The following TDRD3 variants were observed in gnomAD, a reference collection of about 807,000 sequenced individuals.
TDRD3 encodes the protein tudor domain-containing protein 3.
In TDRD3, 45 loss-of-function variants were observed where a neutral mutation model predicts 86.7. That is an observed-to-expected ratio of 0.52 (90% CI 0.41 to 0.67). The LOEUF is 0.67. TDRD3 is among the 30% of genes least tolerant of loss of function. The probability of loss-of-function intolerance (pLI) is 0.00; values close to 1 mark genes in which losing one functional copy is unlikely to be tolerated. For synonymous variants in TDRD3, 298 were observed against 301.7 expected (o/e 0.99, Z 0.13); for missense variants, 814 against 889.0 (o/e 0.92, Z 1.07).
At chr13:60,496,250 T>C (rs1956709444) in intron 8 of TDRD3, among the ~76,000 whole-genome samples, 1 of 140,374 alleles carries the variant, frequency 7.1e-6, no homozygotes, top group Non-Finnish European at 1.5e-5. Flanking sequence ...GCAGATGGTC[T>C]ATTGTGGGAC....
intron 1 of TDRD3, among the ~76,000 whole-genome samples, chr13:60,422,670 T>C (rs1954691106): frequency 6.6e-6 from 1 of 151,774 alleles, no homozygotes; most frequent in Non-Finnish European, 1.5e-5. Context: ...AAAGAATATA[T>C]TACAAGATAC....
At chr13:60,434,323 G>A (rs1955034965) in intron 1 of TDRD3, among the ~76,000 whole-genome samples, 1 of 151,746 alleles carries the variant, frequency 6.6e-6, no homozygotes, top group South Asian at 2.1e-4. Context: ...AAATAATTAA[G>A]TGGGCATGGT....
chr13:60,522,329 A>G (rs1424375672), intron 10 of TDRD3, among the ~76,000 whole-genome samples: 1 of 152,196 alleles, frequency 6.6e-6, no homozygotes, highest in Admixed American at 6.5e-5. Context: ...GATCCGAACT[A>G]AAAATAGGAG....
At chr13:60,459,398 G>GC (rs1955754041) in intron 3 of TDRD3, among the ~76,000 whole-genome samples, 1 of 152,104 alleles carries the variant, frequency 6.6e-6, no homozygotes, top group Non-Finnish European at 1.5e-5. Context: ...TTTGCTCTAA[G>GC]TATATTTGTT....
chr13:60,428,717 T>C (rs1954875268), intron 1 of TDRD3, among the ~76,000 whole-genome samples: 1 of 152,210 alleles, frequency 6.6e-6, no homozygotes, highest in African/African-American at 2.4e-5. Context: ...GACAAAGCCT[T>C]GTGGGCCCAC....
chr13:60,499,051 G>T (rs986830090), intron 8 of TDRD3, among the ~76,000 whole-genome samples: 9 of 152,302 alleles, frequency 5.9e-5, no homozygotes, highest in African/African-American at 2.2e-4. Context: ...GACTGGTAGG[G>T]TGAGGGTGAT....
At chr13:60,439,962 A>T (rs1363093570) in intron 2 of TDRD3, among the ~76,000 whole-genome samples, 190 bp downstream of exon 2, 1 of 152,170 alleles carries the variant, frequency 6.6e-6, no homozygotes, top group Non-Finnish European at 1.5e-5. Context: ...AATATCTGTT[A>T]TACAGAATCC....
intron 9 of TDRD3, 130 bp downstream of exon 9, chr13:60,510,049 C>T: frequency 2.8e-6 from 3 of 1,058,332 alleles, no homozygotes; most frequent in Non-Finnish European, 4.0e-6. Flanking sequence ...GAAGGAACAC[C>T]AGTTTGGGAA....
intron 12 of TDRD3, among the ~76,000 whole-genome samples, chr13:60,543,493 A>AT (rs965551609): frequency 2.6e-5 from 4 of 152,020 alleles, no homozygotes; most frequent in African/African-American, 7.2e-5. Flanking sequence ...TTCTCATGGA[A>AT]TTTTTTTTCC....
intron 12 of TDRD3, among the ~76,000 whole-genome samples, chr13:60,541,742 T>TTTTTTTTTTTTTTTTTA (rs1957817831): frequency 7.5e-6 from 1 of 132,988 alleles, no homozygotes; most frequent in Non-Finnish European, 1.6e-5. Flanking sequence ...TTTTTTTTTT[T>TTTTTTTTTTTTTTTTTA]TTTTGAGACG....
intron 1 of TDRD3, among the ~76,000 whole-genome samples, chr13:60,438,743 T>C (rs1314197794): frequency 6.6e-6 from 1 of 152,100 alleles, no homozygotes; most frequent in African/African-American, 2.4e-5. Flanking sequence ...TGAGAGTTGA[T>C]GGTGGAATTG....
At chr13:60,511,453 C>T (rs74974430) in intron 10 of TDRD3, among the ~76,000 whole-genome samples, 20,727 of 152,128 alleles carry the variant, frequency 0.14, 1,481 homozygotes, top group African/African-American at 0.16. Context: ...ATAGAAAAGG[C>T]AGTGTAGCAT....
chr13:60,397,464 G>T (rs1428898911), intron 1 of TDRD3, 59 bp downstream of exon 1: 7 of 1,403,072 alleles, frequency 5.0e-6, no homozygotes, highest in Non-Finnish European at 6.5e-6. Flanking sequence ...CCCCAGGGAG[G>T]TTGGGTTGGG....
chr13:60,477,774 A>G (rs751498110), intron 5 of TDRD3, among the ~76,000 whole-genome samples: 7 of 152,230 alleles, frequency 4.6e-5, no homozygotes, highest in Non-Finnish European at 1.0e-4. Flanking sequence ...TTAGTTTGCT[A>G]GTATTTTATT....
At chr13:60,499,701 G>C (rs1357026681) in intron 8 of TDRD3, among the ~76,000 whole-genome samples, 1 of 152,168 alleles carries the variant, frequency 6.6e-6, no homozygotes, top group Admixed American at 6.5e-5. Flanking sequence ...TTCTGCCTCA[G>C]GAAAATTTCT....
chr13:60,397,671 G>A (rs1953965325), intron 1 of TDRD3, among the ~76,000 whole-genome samples: 1 of 148,078 alleles, frequency 6.8e-6, no homozygotes, highest in Non-Finnish European at 1.5e-5. Context: ...CGGGCCTGGG[G>A]AGAGGCCGGG....
rs1205153111 is a variant in TDRD3, at chr13:60,397,290, G to C, written c.-75G>C. 3.8e-6 allele frequency: 3 copies of C among 789,576 alleles called. No homozygotes were observed. The highest frequency in any genetic ancestry group is 3.2e-5 in the East Asian group (1 of 30,824). The allele number at this position is 789,576 out of a possible 1,614,324, so 48.9% of individuals were successfully genotyped here. A position where few individuals can be genotyped will look rare whatever the true frequency, so the allele number is the denominator to read the frequency against. On this transcript the variant is annotated 5_prime_UTR_variant, in exon 1 of 14. Coordinates refer to ENST00000377881, the MANE Select transcript of TDRD3 (RefSeq NM_001146070.2). The stretch of plus-strand genomic sequence containing the variant: ...TTCTTTTCTTTTTTTTTTTTTAAGG[G>C]GGGGGGTCTCAAGTAGGAGGCCTCC...
intron 12 of TDRD3, among the ~76,000 whole-genome samples, chr13:60,553,320 C>T (rs1958108762): frequency 6.6e-6 from 1 of 152,132 alleles, no homozygotes; most frequent in Non-Finnish European, 1.5e-5. Context: ...GCATTTTGGT[C>T]AACACCATTC....
At chr13:60,397,196 C>T (rs934345526), upstream of TDRD3, 4 of 418,766 alleles carry the variant, frequency 9.6e-6, no homozygotes, top group African/African-American at 4.1e-5. Flanking sequence ...GCGAGCGGAA[C>T]CCGCACGCGG....
Sources: allele counts gnomAD v4.1 joint callset (sites outside exome capture counted in the v4.1 genomes callset), GRCh38; gene constraint gnomAD v4.1.1; transcripts MANE v1.5; gene names NCBI Gene and HGNC (gene_info 2026-07-23, HGNC 2026-07-21).